PTPRD: variants seen among roughly 807,000 people sequenced by gnomAD.
The protein encoded by PTPRD is protein tyrosine phosphatase receptor type D.
A neutral mutation model predicts 214.5 loss-of-function variants in PTPRD; 34 were observed. The observed-to-expected ratio is 0.16, with a 90% CI of 0.12 to 0.21. The LOEUF is 0.21. PTPRD is among the 10% of genes least tolerant of loss of function. The pLI is 1.00. For synonymous variants in PTPRD, 1,128 were observed against 845.7 expected (o/e 1.33, Z -5.79); for missense variants, 2,545 against 2,398.7 (o/e 1.06, Z -1.27).
chr9:10,521,464 T>G (rs2052259003), intron 2 of PTPRD, among the ~76,000 whole-genome samples: 1 of 152,182 alleles, frequency 6.6e-6, no homozygotes, highest in African/African-American at 2.4e-5. Context: ...AATAAATGAT[T>G]AGAATATTCC....
At chr9:10,468,466 C>T (rs1399411311) in intron 2 of PTPRD, among the ~76,000 whole-genome samples, 2 of 152,092 alleles carry the variant, frequency 1.3e-5, no homozygotes, top group African/African-American at 2.4e-5. Flanking sequence ...CACATGGACA[C>T]CGGGAGGGGA....
At chr9:8,734,166 G>C (rs368143427) in intron 11 of PTPRD, among the ~76,000 whole-genome samples, 2 of 152,150 alleles carry the variant, frequency 1.3e-5, no homozygotes, top group East Asian at 1.9e-4. Context: ...TGTTACGTGG[G>C]AGCTCTCGCA....
At chr9:10,568,521 A>G (rs938179642) in intron 2 of PTPRD, among the ~76,000 whole-genome samples, 3 of 152,086 alleles carry the variant, frequency 2.0e-5, no homozygotes, top group African/African-American at 7.2e-5. Flanking sequence ...TTCTAGTTCT[A>G]GATCCCCGAG....
intron 12 of PTPRD, among the ~76,000 whole-genome samples, chr9:8,708,267 AGGTAGGTGTT>A (rs2098250966): frequency 6.6e-6 from 1 of 152,186 alleles, no homozygotes; most frequent in African/African-American, 2.4e-5. Context: ...AAATAACAAA[AGGTAGGTGTT>A]GGTGAGGATG....
intron 3 of PTPRD, among the ~76,000 whole-genome samples, chr9:10,301,832 G>A (rs750726997): frequency 2.6e-5 from 4 of 152,168 alleles, no homozygotes; most frequent in Non-Finnish European, 5.9e-5. Context: ...AAGTAAACAA[G>A]TTGGAAAACA....
intron 8 of PTPRD, among the ~76,000 whole-genome samples, chr9:9,423,950 C>T (rs1000090181): frequency 6.6e-6 from 1 of 152,166 alleles, no homozygotes; most frequent in Non-Finnish European, 1.5e-5. Flanking sequence ...TATAATGCAC[C>T]ACTCCAAGAT....
chr9:8,684,609 TA>T (rs1279366042), intron 12 of PTPRD, among the ~76,000 whole-genome samples: 1 of 152,188 alleles, frequency 6.6e-6, no homozygotes, highest in African/African-American at 2.4e-5. Context: ...TCCTATCATT[TA>T]CAGACTAATA....
At chr9:10,509,938 C>T (rs1208582953) in intron 2 of PTPRD, among the ~76,000 whole-genome samples, 2 of 151,904 alleles carry the variant, frequency 1.3e-5, no homozygotes, top group African/African-American at 4.8e-5. Flanking sequence ...ATGAGCATCA[C>T]GAGGTTCACT....
At chr9:9,844,371 A>C (rs1023166333) in intron 5 of PTPRD, among the ~76,000 whole-genome samples, 1 of 151,988 alleles carries the variant, frequency 6.6e-6, no homozygotes, top group South Asian at 2.1e-4. Flanking sequence ...TACATGATCT[A>C]ATTTATATAG....
intron 3 of PTPRD, among the ~76,000 whole-genome samples, chr9:10,225,834 G>C (rs929866074): frequency 3.9e-5 from 6 of 152,048 alleles, no homozygotes; most frequent in African/African-American, 1.4e-4. Flanking sequence ...AGGTGTATTG[G>C]AATAAGACAT....
rs114463516 is a variant in PTPRD, at chr9:8,560,417, G to C, written c.353-31638C>G. Among the ~76,000 whole-genome samples the C allele has an allele frequency of 3.3e-3, 484 of 146,294 alleles. 2 individuals carry two copies. The highest frequency in any genetic ancestry group is 0.011 in the African/African-American group (441 of 38,584). ...TAGACAGAGGCAAGTCAAATGATCA[G>C]TACCAACTTAAAAAAAAATACATAC... On this transcript the variant is annotated intron_variant, in intron 14 of 45. Transcript: ENST00000381196.
rs546724398 is a variant in PTPRD, at chr9:8,449,039, A to C, written c.3988+686T>G. Among the ~76,000 whole-genome samples the C allele has an allele frequency of 6.6e-5, 10 of 152,286 alleles. No individual in the cohort carries two copies. The East Asian group carries it at 1.7e-3, about 26-fold the overall frequency. On this transcript the variant is annotated intron_variant, in intron 34 of 45. Transcript: ENST00000381196. ...TGCTTTAGTTGAAAAAGTCAAATAG[A>C]TCTAGGCATGAATAAACAATATTGT...
At chr9:9,662,778 T>TA (rs2096645123) in intron 7 of PTPRD, among the ~76,000 whole-genome samples, 1 of 151,622 alleles carries the variant, frequency 6.6e-6, no homozygotes, top group Admixed American at 6.6e-5. Flanking sequence ...GGGATTGCTA[T>TA]AAGGCATTAA....
intron 11 of PTPRD, among the ~76,000 whole-genome samples, chr9:8,760,631 G>A (rs533247831): frequency 6.7e-6 from 1 of 150,134 alleles, no homozygotes; most frequent in Admixed American, 6.7e-5. Flanking sequence ...TGTGTGTGGC[G>A]GTGGGGGGAT....
At chr9:9,612,022 C>T (rs1220291180) in intron 7 of PTPRD, among the ~76,000 whole-genome samples, 1 of 151,734 alleles carries the variant, frequency 6.6e-6, no homozygotes, top group Non-Finnish European at 1.5e-5. Context: ...ACATGACTAT[C>T]AATATATTTT....
intron 12 of PTPRD, among the ~76,000 whole-genome samples, chr9:8,661,108 G>A (rs1028274043): frequency 6.6e-6 from 1 of 152,030 alleles, no homozygotes; most frequent in South Asian, 2.1e-4. Flanking sequence ...TTCAGATATT[G>A]TATCTATAAA....
intron 7 of PTPRD, among the ~76,000 whole-genome samples, chr9:9,732,099 C>A (rs1316980502): frequency 6.6e-6 from 1 of 151,822 alleles, no homozygotes; most frequent in African/African-American, 2.4e-5. Context: ...TGAATTTGGC[C>A]TTGAGGAATG....
chr9:8,354,420 AT>A (rs537151720), intron 39 of PTPRD, among the ~76,000 whole-genome samples: 2 of 152,196 alleles, frequency 1.3e-5, no homozygotes, highest in Non-Finnish European at 2.9e-5. Context: ...AATACGAAAA[AT>A]TTAAATAATA....
intron 31 of PTPRD, among the ~76,000 whole-genome samples, chr9:8,465,980 T>C (rs1296593827): frequency 6.6e-6 from 1 of 151,884 alleles, no homozygotes; most frequent in Non-Finnish European, 1.5e-5. Context: ...TCAAAGTGCA[T>C]CATAACTTGT....
Sources: allele counts gnomAD v4.1 joint callset (sites outside exome capture counted in the v4.1 genomes callset), GRCh38; gene constraint gnomAD v4.1.1; transcripts MANE v1.5; gene names NCBI Gene and HGNC (gene_info 2026-07-23, HGNC 2026-07-21).